Variants in FNDC3A observed in about 807,000 individuals in gnomAD.
The protein encoded by FNDC3A is fibronectin type-III domain-containing protein 3A.
FNDC3A carries 32 observed loss-of-function variants against 148.9 expected under a neutral mutation model. The observed-to-expected ratio is 0.21, with a 90% CI of 0.16 to 0.29. The LOEUF (loss-of-function observed/expected upper bound fraction) is 0.29. Among genes scored for constraint, FNDC3A ranks in the 10% least tolerant of loss-of-function variants. The pLI is 1.00. For synonymous variants in FNDC3A, 472 were observed against 473.6 expected, an observed-to-expected ratio of 1.00 and a Z score of 0.04; for missense variants, 1,191 against 1,452.8, an observed-to-expected ratio of 0.82 and a Z score of 2.93.
intron 4 of FNDC3A, among the ~76,000 whole-genome samples, chr13:49,117,883 A>G (rs1881069404): frequency 6.6e-6 from 1 of 152,158 alleles, no homozygotes; most frequent in African/African-American, 2.4e-5. Context: ...TTACTCCTAC[A>G]GGATTTTAGG....
chr13:49,142,921 G>A (rs1882771346), intron 7 of FNDC3A, among the ~76,000 whole-genome samples: 1 of 152,200 alleles, frequency 6.6e-6, no homozygotes, highest in African/African-American at 2.4e-5. Flanking sequence ...GGGCTGGAGT[G>A]CAGTGGCATG....
At chr13:49,013,536 A>G (rs958163094) in intron 2 of FNDC3A, among the ~76,000 whole-genome samples, 12 of 151,402 alleles carry the variant, frequency 7.9e-5, no homozygotes, top group East Asian at 1.9e-4. Flanking sequence ...ACATGTATAT[A>G]CGTGTACATG....
chr13:49,044,328 T>G (rs1361036379), intron 2 of FNDC3A: 1 of 159,132 alleles, frequency 6.3e-6, no homozygotes, highest in Non-Finnish European at 1.4e-5. Context: ...GCTTCCATTT[T>G]CAGTCTTCCA....
intron 8 of FNDC3A, among the ~76,000 whole-genome samples, chr13:49,154,067 T>A: frequency 1.0e-4 from 12 of 118,022 alleles, no homozygotes; most frequent in African/African-American, 3.6e-4. Context: ...AAGTCATTGG[T>A]AGCTTGATGG....
intron 6 of FNDC3A, among the ~76,000 whole-genome samples, 192 bp from the exon 7 acceptor site, chr13:49,138,555 G>C (rs1593646039): frequency 6.6e-6 from 1 of 152,006 alleles, no homozygotes; most frequent in African/African-American, 2.4e-5. Flanking sequence ...AGTAGTCACA[G>C]TTAAGATAGA....
chr13:49,182,863 C>T (rs1288682588), intron 14 of FNDC3A, among the ~76,000 whole-genome samples: 1 of 151,814 alleles, frequency 6.6e-6, no homozygotes, highest in Admixed American at 6.6e-5. Context: ...TTGGTGTATC[C>T]CTCTCTTGCT....
chr13:48,995,205 G>A (rs1386946717), intron 1 of FNDC3A, among the ~76,000 whole-genome samples: 1 of 152,088 alleles, frequency 6.6e-6, no homozygotes, highest in African/African-American at 2.4e-5. Context: ...GTGAGCCACT[G>A]TAAGAGTGAA....
chr13:49,091,547 C>T (rs931100097), intron 3 of FNDC3A, among the ~76,000 whole-genome samples: 7 of 152,216 alleles, frequency 4.6e-5, no homozygotes, highest in Non-Finnish European at 8.8e-5. Flanking sequence ...AAGTTCTGCC[C>T]ACTGGGAAGA....
chr13:49,173,472 T>C (rs556107254), intron 11 of FNDC3A, among the ~76,000 whole-genome samples: 9 of 152,342 alleles, frequency 5.9e-5, no homozygotes, highest in African/African-American at 2.2e-4. Context: ...ACTTGATAGT[T>C]ATTTTTGTAC....
rs538743947 is a variant in FNDC3A at position 49,020,938 on chromosome 13, A to T, written c.99+14649A>T. On this transcript the variant is annotated intron_variant, in intron 2 of 25. Coordinates refer to ENST00000492622, the MANE Select transcript of FNDC3A (RefSeq NM_001079673.2). ...TAATCACTATAAAAATAGTAAATTA[A>T]TGGATTAAATTTCAGGAAAAAGATC... Among the ~76,000 whole-genome samples the T allele has an allele frequency of 2.0e-3, 309 of 152,338 alleles. 1 individual carries two copies. Among genetic ancestry groups the T allele is most frequent in the Non-Finnish European group, 3.8e-3 (260 of 68,030 alleles).
At chr13:49,134,917 C>T (rs1339763144) in intron 5 of FNDC3A, among the ~76,000 whole-genome samples, 2 of 120,198 alleles carry the variant, frequency 1.7e-5, no homozygotes, top group African/African-American at 3.2e-5. Flanking sequence ...GGCATGATCT[C>T]GGCTCACTGC....
intron 9 of FNDC3A, among the ~76,000 whole-genome samples, chr13:49,168,125 C>T (rs1458409684): frequency 6.6e-6 from 1 of 152,038 alleles, no homozygotes; most frequent in Non-Finnish European, 1.5e-5. Flanking sequence ...TTAATTACCC[C>T]CATTTTTAAA....
At chr13:49,044,822 T>C in intron 2 of FNDC3A, 1 of 399,110 alleles carries the variant, frequency 2.5e-6, no homozygotes, top group Non-Finnish European at 5.0e-6. Flanking sequence ...TCAATACTTT[T>C]TGTGTGTTAG....
intron 3 of FNDC3A, among the ~76,000 whole-genome samples, chr13:49,084,524 C>G (rs1247223055): frequency 6.6e-6 from 1 of 152,090 alleles, no homozygotes; most frequent in Non-Finnish European, 1.5e-5. Context: ...ACAGATATCA[C>G]CTGGGTGATG....
Position 49,174,461 on chromosome 13 carries a change from G to T in FNDC3A, c.1257G>T (p.Gln419His). Residue 419 changes from glutamine to histidine, a missense_variant, in exon 12 of 26, where the codon CAG (glutamine) becomes CAT (histidine). Gln to His is a conservative substitution (Grantham distance 24, BLOSUM62 0). This residue lies in a region of FNDC3A where 751 missense variants were observed against 944.0 expected (regional missense o/e 0.80). Transcript: ENST00000492622. ...GAAAAGGAAATGGAGAATTTTGTCA[G>T]TGTTACATGGGCTCACAGAAACAAT... ...DEGKGNGEFCQCYMGSQKQFK... is the reference protein window; with the variant it reads ...DEGKGNGEFCHCYMGSQKQFK... 1 of 1,611,674 alleles carries T rather than the reference G, an allele frequency of 6.2e-7. No individual in the cohort carries two copies. The highest frequency in any genetic ancestry group is 8.5e-7 in the Non-Finnish European group (1 of 1,178,044).
intron 4 of FNDC3A, among the ~76,000 whole-genome samples, chr13:49,120,154 C>A (rs1881239463): frequency 6.6e-6 from 1 of 152,204 alleles, no homozygotes; most frequent in African/African-American, 2.4e-5. Flanking sequence ...TTCAGAAACT[C>A]TCCAAGCCAG....
chr13:49,028,341 A>G (rs1873872416), intron 2 of FNDC3A, among the ~76,000 whole-genome samples: 1 of 151,942 alleles, frequency 6.6e-6, no homozygotes, highest in Non-Finnish European at 1.5e-5. Flanking sequence ...CCTGAGCTCA[A>G]GTGATTCTCC....
At chr13:49,110,204 G>C in intron 3 of FNDC3A, 1 of 445,964 alleles carries the variant, frequency 2.2e-6, no homozygotes. Flanking sequence ...GGGAACGTTT[G>C]CTTTTTTTTC....
intron 8 of FNDC3A, among the ~76,000 whole-genome samples, chr13:49,164,461 G>A (rs1301259905): frequency 2.6e-5 from 4 of 151,998 alleles, no homozygotes. Context: ...TGCTAGACTT[G>A]GAAAGTTTTC....
Sources: allele counts gnomAD v4.1 joint callset (sites outside exome capture counted in the v4.1 genomes callset), GRCh38; gene constraint gnomAD v4.1.1; regional missense constraint gnomAD v4.1.1; transcripts MANE v1.5; gene names NCBI Gene and HGNC (gene_info 2026-07-23, HGNC 2026-07-21).